WDR18: variants seen among roughly 807,000 people sequenced by gnomAD.
WDR18 encodes the protein WD repeat-containing protein 18.
In WDR18, 33 loss-of-function variants were observed where a neutral mutation model predicts 49.6. That is an observed-to-expected ratio of 0.67 (90% CI 0.50 to 0.89). The LOEUF is 0.89. WDR18 is among the 40% of genes least tolerant of loss of function. WDR18 has a pLI of 0.00. For synonymous variants in WDR18, 315 were observed against 263.6 expected, an observed-to-expected ratio of 1.19 and a Z score of -1.89; for missense variants, 653 against 593.6, an observed-to-expected ratio of 1.10 and a Z score of -1.04.
chr19:992,500 G>A (rs115389011), intron 8 of WDR18, among the ~76,000 whole-genome samples: 3,402 of 152,324 alleles, frequency 0.022, 137 homozygotes, highest in African/African-American at 0.078. Context: ...TGCAGGAGCA[G>A]CCGTGAGGGC....
At chr19:984,664 G>T in intron 1 of WDR18, 101 bp downstream of exon 1, 1 of 1,209,890 alleles carries the variant, frequency 8.3e-7, no homozygotes. Flanking sequence ...CGGAATTGGC[G>T]TGGGGAGGGG....
rs550804645 is a variant in WDR18 at position 991,260 on chromosome 19, C to T, written c.840C>T (p.Asp280=). Residue 280 remains aspartate (D), a synonymous_variant, in exon 7 of 10, where the codon GAC becomes GAT. Transcript: ENST00000585809. Reference sequence around the variant, plus strand: ...TGACTTGCCTGTCAGTGTCCACTGACGGCAGCGTGCTGCTCTCAGGCTCCC... The same window carrying T: ...TGACTTGCCTGTCAGTGTCCACTGATGGCAGCGTGCTGCTCTCAGGCTCCC... ...NQVTCLSVST[D]GSVLLSGSHD... 7 of 1,573,336 alleles carry T rather than the reference C, an allele frequency of 4.4e-6. No individual in the cohort carries two copies. Among genetic ancestry groups the T allele is most frequent in the Admixed American group, 1.8e-5 (1 of 55,434 alleles).
At chr19:993,221 C>G (rs1273207108) in intron 8 of WDR18, among the ~76,000 whole-genome samples, 1 of 152,250 alleles carries the variant, frequency 6.6e-6, no homozygotes, top group Non-Finnish European at 1.5e-5. Context: ...AAACAGGCCT[C>G]CAGCGGCAGA....
chr19:984,224 C>CGG, upstream of WDR18: 1 of 987,116 alleles, frequency 1.0e-6, no homozygotes, highest in Non-Finnish European at 1.4e-6. Flanking sequence ...AAGCCCCTCT[C>CGG]TCCGAGGCAC....
chr19:984,777 C>T (rs2038457921), intron 1 of WDR18, among the ~76,000 whole-genome samples: 1 of 147,356 alleles, frequency 6.8e-6, no homozygotes, highest in South Asian at 2.1e-4. Context: ...GGGCTCAGGC[C>T]TGAGCTGCTA....
At chr19:993,549 C>T (rs1005939331) in intron 8 of WDR18, among the ~76,000 whole-genome samples, 5 of 152,250 alleles carry the variant, frequency 3.3e-5, no homozygotes, top group Admixed American at 2.0e-4. Context: ...GGCGGGTTCC[C>T]GACCTCTGAT....
chr19:992,539 A>G (rs994617124), intron 8 of WDR18, among the ~76,000 whole-genome samples: 2 of 152,208 alleles, frequency 1.3e-5, no homozygotes, highest in Non-Finnish European at 2.9e-5. Context: ...TGGTGGCTGC[A>G]GGTGGCTCCC....
chr19:985,811 G>A (rs1264283041), intron 1 of WDR18, 54 bp from the exon 2 acceptor site: 2 of 1,573,474 alleles, frequency 1.3e-6, no homozygotes, highest in Non-Finnish European at 1.7e-6. Flanking sequence ...CTCCACTGCT[G>A]TAGTAGCTCC....
chr19:994,356 C>T lies in WDR18; in HGVS notation c.*12C>T. On this transcript the variant is annotated 3_prime_UTR_variant, in exon 10 of 10. Transcript: ENST00000585809. The stretch of plus-strand genomic sequence containing the variant: ...GGCCGGCCAAGTGAGGCCCGGAGAC[C>T]CCGGCCCGAGGCGCCCAGGCCTGAG... 1 of 1,603,820 alleles carries T rather than the reference C, an allele frequency of 6.2e-7. No individual in the cohort carries two copies. The highest frequency in any genetic ancestry group is 8.5e-7 in the Non-Finnish European group (1 of 1,176,848).
intron 8 of WDR18, among the ~76,000 whole-genome samples, chr19:993,341 G>C (rs990156838): frequency 6.6e-6 from 1 of 152,228 alleles, no homozygotes; most frequent in African/African-American, 2.4e-5. Context: ...CACCTAGTTG[G>C]CCACAGTGGG....
chr19:984,179 A>C (rs2038447371), upstream of WDR18: 2 of 680,292 alleles, frequency 2.9e-6, no homozygotes, highest in Non-Finnish European at 4.5e-6. Context: ...GCGACCCTCG[A>C]GTCTCAGGTA....
chr19:983,121 G>A (rs1328453463), upstream of WDR18, among the ~76,000 whole-genome samples: 2 of 152,188 alleles, frequency 1.3e-5, no homozygotes, highest in African/African-American at 4.8e-5. Context: ...TTTTTAAGGG[G>A]TTGGCAACTA....
At position 991,325 on chromosome 19, in the gene WDR18, A is replaced by T; in HGVS notation, c.905A>T (p.Gln302Leu). ...CGCCTCTGGGACGTGCAGAGCAAGC[A>T]GTGCATCCGGACGGTGGCCCTCAAA... Reference protein sequence around the residue: ...TVRLWDVQSKQCIRTVALKGP... With the variant: ...TVRLWDVQSKLCIRTVALKGP... Residue 302 changes from glutamine (Q) to leucine (L), a missense_variant, in exon 7 of 10, where the codon CAG becomes CTG. By Grantham distance (113) the Gln-to-Leu change is moderately radical (BLOSUM62 -2). Coordinates refer to ENST00000585809, the MANE Select transcript of WDR18 (RefSeq NM_024100.4). 1 of 1,557,054 alleles carries T rather than the reference A, an allele frequency of 6.4e-7. No individual in the cohort carries two copies. Among genetic ancestry groups the T allele is most frequent in the Non-Finnish European group, 8.7e-7 (1 of 1,150,918 alleles).
intron 7 of WDR18, among the ~76,000 whole-genome samples, chr19:991,609 T>C (rs1267291581): frequency 5.5e-5 from 2 of 36,196 alleles, no homozygotes; most frequent in Non-Finnish European, 1.0e-4. Context: ...TGCTGTGGGG[T>C]GGGGCCTGGC....
chr19:984,684 C>A (rs1442360684), intron 1 of WDR18, 121 bp downstream of exon 1: 5 of 1,084,146 alleles, frequency 4.6e-6, no homozygotes, highest in Non-Finnish European at 4.9e-6. Context: ...GAGGTGGTCT[C>A]CGTTCGGGCG....
chr19:983,380 C>T (rs1400827814), upstream of WDR18, among the ~76,000 whole-genome samples: 1 of 152,076 alleles, frequency 6.6e-6, no homozygotes, highest in Non-Finnish European at 1.5e-5. Context: ...AGACCTCCGC[C>T]TCCCGGGTTC....
Position 994,369 on chromosome 19 carries a change from G to T in WDR18, c.*25G>T. ...AGGCCCGGAGACCCCGGCCCGAGGC[G>T]CCCAGGCCTGAGCCCCATGCCTCCC... is the stretch of plus-strand genomic sequence containing the variant. On this transcript the variant is annotated 3_prime_UTR_variant, in exon 10 of 10. Transcript: ENST00000585809. 3 of 1,589,860 alleles carry T rather than the reference G, an allele frequency of 1.9e-6. No individual in the cohort carries two copies. The highest frequency in any genetic ancestry group is 1.1e-5 in the South Asian group (1 of 88,576).
chr19:985,193 TCTCA>T (rs2038462444), intron 1 of WDR18, among the ~76,000 whole-genome samples: 1 of 152,118 alleles, frequency 6.6e-6, no homozygotes, highest in Non-Finnish European at 1.5e-5. Context: ...TGAGACAGGG[TCTCA>T]CTCTGTCGCT....
chr19:993,466 A>G (rs1255654686), intron 8 of WDR18, among the ~76,000 whole-genome samples: 2 of 152,090 alleles, frequency 1.3e-5, no homozygotes, highest in Non-Finnish European at 2.9e-5. Context: ...CCTTGTTCCA[A>G]TCCAGCTGAC....
Sources: gnomAD v4.1 joint callset for allele counts (sites outside exome capture counted in the v4.1 genomes callset) on GRCh38, gnomAD v4.1.1 for gene constraint, MANE v1.5 for transcripts, NCBI Gene and HGNC (gene_info 2026-07-23, HGNC 2026-07-21) for gene names.